Variants in CDH12 observed in about 807,000 individuals in gnomAD.
CDH12 encodes cadherin-12.
Under a neutral mutation model 74.1 loss-of-function variants are expected in CDH12, and 41 were observed. The observed-to-expected ratio is 0.55, with a 90% CI of 0.43 to 0.72. The LOEUF is 0.72. CDH12 is among the 30% of genes least tolerant of loss of function. The probability of loss-of-function intolerance (pLI) is 0.00; values close to 1 mark genes in which losing one functional copy is unlikely to be tolerated. For missense variants in CDH12, 945 were observed against 977.2 expected (o/e 0.97, Z 0.44); for synonymous variants, 399 against 355.0 (o/e 1.12, Z -1.39).
chr5:22,172,678 TGTCTGTTGGGTAGATG>T (rs2150329795), intron 4 of CDH12, among the ~76,000 whole-genome samples: 1 of 151,968 alleles, frequency 6.6e-6, no homozygotes, highest in South Asian at 2.1e-4. Context: ...GGAAGAGGGA[TGTCTGTTGGGTAGATG>T]ACTGTATACT....
At chr5:22,774,194 T>G (rs915076927) in intron 1 of CDH12, among the ~76,000 whole-genome samples, 1 of 152,158 alleles carries the variant, frequency 6.6e-6, no homozygotes, top group African/African-American at 2.4e-5. Flanking sequence ...ATTGTAGCAC[T>G]ATTCACAATA....
At chr5:21,918,303 T>C (rs1754193575) in intron 6 of CDH12, among the ~76,000 whole-genome samples, 1 of 152,174 alleles carries the variant, frequency 6.6e-6, no homozygotes, top group African/African-American at 2.4e-5. Context: ...ATAATTTCAA[T>C]TTCTCAGTAA....
intron 1 of CDH12, among the ~76,000 whole-genome samples, chr5:22,514,042 A>G (rs757915547): frequency 5.3e-5 from 8 of 151,486 alleles, no homozygotes; most frequent in Non-Finnish European, 8.8e-5. Context: ...GTATAATACA[A>G]TTATTTTATA....
chr5:21,963,516 T>G (rs994099390), intron 6 of CDH12, among the ~76,000 whole-genome samples: 7 of 152,102 alleles, frequency 4.6e-5, no homozygotes, highest in Non-Finnish European at 7.4e-5. Flanking sequence ...GGCTTTCTTT[T>G]CTCTTGAGTA....
intron 3 of CDH12, among the ~76,000 whole-genome samples, chr5:22,223,562 C>T (rs1580421044): frequency 6.6e-6 from 1 of 151,996 alleles, no homozygotes; most frequent in Non-Finnish European, 1.5e-5. Context: ...TAGACATCCC[C>T]ACTGTTGCTG....
At chr5:22,590,705 T>C in intron 1 of CDH12, among the ~76,000 whole-genome samples, 1 of 152,194 alleles carries the variant, frequency 6.6e-6, no homozygotes. Flanking sequence ...TATTTGCAGG[T>C]TGTTTTCAAT....
intron 1 of CDH12, among the ~76,000 whole-genome samples, chr5:22,635,974 G>A (rs538486933): frequency 6.6e-6 from 1 of 151,592 alleles, no homozygotes; most frequent in East Asian, 1.9e-4. Context: ...ATATTATACA[G>A]TAATATTATA....
chr5:21,924,246 G>A (rs375628166), intron 6 of CDH12, among the ~76,000 whole-genome samples: 2 of 152,166 alleles, frequency 1.3e-5, no homozygotes, highest in African/African-American at 4.8e-5. Flanking sequence ...TACTAGCTGT[G>A]GCCGGGCACG....
intron 3 of CDH12, among the ~76,000 whole-genome samples, chr5:22,279,493 T>C (rs1736783696): frequency 6.6e-6 from 1 of 152,170 alleles, no homozygotes; most frequent in Non-Finnish European, 1.5e-5. Flanking sequence ...GTCATTTACA[T>C]TAGGTATATC....
chr5:22,302,508 T>C (rs985309050), intron 3 of CDH12, among the ~76,000 whole-genome samples: 3 of 152,174 alleles, frequency 2.0e-5, no homozygotes, highest in African/African-American at 4.8e-5. Context: ...TTTAAACCGC[T>C]TGCAGGAAAT....
At chr5:22,327,595 T>C (rs1388015506) in intron 3 of CDH12, among the ~76,000 whole-genome samples, 2 of 152,172 alleles carry the variant, frequency 1.3e-5, no homozygotes, top group Non-Finnish European at 2.9e-5. Flanking sequence ...TAATTTATTC[T>C]TTTGGAGGGT....
chr5:22,279,826 G>A lies in CDH12; in HGVS notation c.-332-67183C>T, dbSNP rs539305022. On this transcript the variant is annotated intron_variant, in intron 3 of 14. Transcript: ENST00000382254. ...AGTCTTTGCTATTGTGAGTAGTGCC[G>A]CAATAAACATACGAGTGCATGTGTC... Among the ~76,000 whole-genome samples, 10 of 152,166 alleles carry A rather than the reference G, an allele frequency of 6.6e-5. No individual in the cohort carries two copies. In the South Asian group the frequency reaches 1.2e-3, roughly 19 times the overall value.
intron 11 of CDH12, among the ~76,000 whole-genome samples, chr5:21,776,975 G>C (rs1745623112): frequency 6.6e-6 from 1 of 152,122 alleles, no homozygotes; most frequent in African/African-American, 2.4e-5. Flanking sequence ...ATTTCAAAAA[G>C]TCTGGTATAT....
chr5:22,434,644 C>T (rs1295496589), intron 2 of CDH12, among the ~76,000 whole-genome samples: 1 of 152,142 alleles, frequency 6.6e-6, no homozygotes, highest in African/African-American at 2.4e-5. Flanking sequence ...CATGCACAAT[C>T]TTGCAGACTT....
Position 22,448,005 on chromosome 5 carries a change from A to T in CDH12, c.-427-42654T>A, listed in dbSNP as rs957456277. 2.0e-4 allele frequency among the ~76,000 whole-genome samples: 30 copies of T among 148,376 alleles called. 1 individual carries two copies. In the South Asian group the frequency reaches 2.8e-3, roughly 14 times the overall value. On this transcript the variant is annotated intron_variant, in intron 2 of 14. Transcript: ENST00000382254. Reference sequence around the variant, plus strand: ...GAAATTAAAAAAAAAAAAAAAAAAAAGCCAGGCATGGGGAGATATACCTGT... The same window carrying T: ...GAAATTAAAAAAAAAAAAAAAAAAATGCCAGGCATGGGGAGATATACCTGT...
intron 8 of CDH12, among the ~76,000 whole-genome samples, chr5:21,824,407 T>C (rs541993417): frequency 6.6e-6 from 1 of 152,222 alleles, no homozygotes; most frequent in African/African-American, 2.4e-5. Context: ...TGATGGACTA[T>C]GACCTCAGCC....
At position 21,755,646 on chromosome 5, in the gene CDH12, T is replaced by G; in HGVS notation, c.1830A>C (p.Val610=). ...SCNVEAIFLP[V]GLSTGALIAI... is the part of the protein sequence containing the mutation. ...CAATCAACGCCCCAGTGCTAAGTCC[T>G]ACAGGTAGAAAAATTGCTTCCACAT... The change falls in exon 14 of 15, where the codon GTA becomes GTC. Residue 610 remains valine (V), a synonymous_variant. Coordinates refer to ENST00000382254, the MANE Select transcript of CDH12 (RefSeq NM_004061.5). The G allele has an allele frequency of 6.2e-7, 1 of 1,614,028 alleles. No homozygotes were observed. The highest frequency in any genetic ancestry group is 8.5e-7 in the Non-Finnish European group (1 of 1,179,926).
intron 1 of CDH12, among the ~76,000 whole-genome samples, chr5:22,551,160 T>C (rs1173425695): frequency 6.6e-6 from 1 of 152,106 alleles, no homozygotes; most frequent in Non-Finnish European, 1.5e-5. Flanking sequence ...CTGGTGTCCT[T>C]ATAAGAAAAG....
intron 8 of CDH12, among the ~76,000 whole-genome samples, chr5:21,835,869 A>T (rs1561228233): frequency 6.6e-6 from 1 of 152,010 alleles, no homozygotes; most frequent in East Asian, 1.9e-4. Flanking sequence ...AACTGAATAA[A>T]TGTATAGTTA....
Sources: gnomAD v4.1 joint callset for allele counts (sites outside exome capture counted in the v4.1 genomes callset) on GRCh38, gnomAD v4.1.1 for gene constraint, MANE v1.5 for transcripts, NCBI Gene and HGNC (gene_info 2026-07-23, HGNC 2026-07-21) for gene names.